The following USP22 variants were observed in gnomAD, a reference collection of about 807,000 sequenced individuals.
The protein encoded by USP22 is ubiquitin specific peptidase 22, also known as ubiquitin carboxyl-terminal hydrolase 22.
USP22 carries 22 observed loss-of-function variants against 68.1 expected under a neutral mutation model. The observed-to-expected ratio is 0.32, with a 90% confidence interval of 0.23 to 0.46. The LOEUF (loss-of-function observed/expected upper bound fraction) is 0.46, where lower values mean the gene tolerates loss of function less well. USP22 is among the 20% of genes least tolerant of loss of function. The probability of loss-of-function intolerance (pLI) is 1.00; values close to 1 mark genes in which losing one functional copy is unlikely to be tolerated. For synonymous variants in USP22, 279 were observed against 274.2 expected (o/e 1.02, Z -0.17); for missense variants, 433 against 695.8 (o/e 0.62, Z 4.25).
At chr17:21,025,725 G>A (rs907796450) in intron 2 of USP22, among the ~76,000 whole-genome samples, 15 of 152,130 alleles carry the variant, frequency 9.9e-5, no homozygotes, top group African/African-American at 3.1e-4. Flanking sequence ...GCATGCTTGC[G>A]GAAAGAAGCC....
intron 3 of USP22, among the ~76,000 whole-genome samples, chr17:21,020,673 A>G (rs745555242): frequency 8.5e-5 from 13 of 152,210 alleles, no homozygotes; most frequent in Non-Finnish European, 2.9e-5. Flanking sequence ...ATTACTGCAA[A>G]GAGATCGCTT....
At chr17:21,028,044 G>T (rs1299685062) in intron 2 of USP22, among the ~76,000 whole-genome samples, 1 of 152,166 alleles carries the variant, frequency 6.6e-6, no homozygotes, top group East Asian at 1.9e-4. Flanking sequence ...ATTTTGTAAG[G>T]CTGTGAAAGG....
intron 1 of USP22, chr17:21,042,374 A>C: frequency 2.3e-5 from 4 of 170,880 alleles, no homozygotes; most frequent in East Asian, 1.5e-4. Context: ...GGGAGGGGAC[A>C]GAGAGGAGGG....
At chr17:21,039,512 C>T (rs888026769) in intron 1 of USP22, among the ~76,000 whole-genome samples, 4 of 151,968 alleles carry the variant, frequency 2.6e-5, no homozygotes, top group Non-Finnish European at 5.9e-5. Flanking sequence ...TGTGGTGAGC[C>T]GAGATCACGC....
chr17:21,005,092 T>TG (rs1832321570), intron 10 of USP22, 102 bp from the exon 11 acceptor site: 9 of 1,330,868 alleles, frequency 6.8e-6, no homozygotes, highest in Non-Finnish European at 8.5e-6. Flanking sequence ...ACCATGCAGA[T>TG]GCTGCACCGA....
intron 2 of USP22, among the ~76,000 whole-genome samples, chr17:21,023,172 A>G (rs1267879621): frequency 6.6e-6 from 1 of 152,126 alleles, no homozygotes; most frequent in African/African-American, 2.4e-5. Flanking sequence ...ACTGCGGCCT[A>G]CTTGAGGGTG....
chr17:21,011,448 A>G, intron 7 of USP22, 139 bp from the exon 8 acceptor site: 2 of 1,129,842 alleles, frequency 1.8e-6, no homozygotes. Context: ...ATGGGGCAGG[A>G]GCAAGAGCAG....
At chr17:21,014,175 G>C (rs1284005748) in intron 6 of USP22, among the ~76,000 whole-genome samples, 2 of 152,258 alleles carry the variant, frequency 1.3e-5, no homozygotes, top group African/African-American at 4.8e-5. Flanking sequence ...CCACCTCGCT[G>C]AACAGCTCTG....
intron 1 of USP22, among the ~76,000 whole-genome samples, chr17:21,040,586 C>T (rs986123557): frequency 1.6e-4 from 25 of 151,758 alleles, no homozygotes; most frequent in African/African-American, 5.6e-4. Flanking sequence ...AAAGATTAAT[C>T]AGAGCCATAA....
intron 4 of USP22, 119 bp downstream of exon 4, chr17:21,018,965 G>T: frequency 9.7e-7 from 1 of 1,026,552 alleles, no homozygotes; most frequent in Non-Finnish European, 1.5e-6. Context: ...GCACATTGAT[G>T]AGTGACAGTT....
chr17:21,016,081 T>TC (rs1491286104), intron 5 of USP22, among the ~76,000 whole-genome samples, 182 bp from the exon 6 acceptor site: 1 of 151,474 alleles, frequency 6.6e-6, no homozygotes, highest in Non-Finnish European at 1.5e-5. Context: ...ACTGGACTTT[T>TC]CGAGTCCTCA....
At chr17:21,034,160 C>T (rs1972326731) in intron 1 of USP22, among the ~76,000 whole-genome samples, 1 of 152,148 alleles carries the variant, frequency 6.6e-6, no homozygotes, top group Admixed American at 6.5e-5. Flanking sequence ...AAAACCTCAG[C>T]TTCCAGACTC....
At chr17:21,012,308 G>A (rs767723801) in intron 7 of USP22, among the ~76,000 whole-genome samples, 2 of 152,068 alleles carry the variant, frequency 1.3e-5, no homozygotes, top group African/African-American at 2.4e-5. Context: ...ACTGAGGTTG[G>A]GTGAGAGGGT....
upstream of USP22, chr17:21,043,083 CGCGGGGCGGG>C (rs1372078871): frequency 6.3e-6 from 1 of 159,470 alleles, no homozygotes; most frequent in Non-Finnish European, 1.2e-5. Flanking sequence ...CGGAGGGTGT[CGCGGGGCGGG>C]GCGCCGCGGC....
intron 2 of USP22, among the ~76,000 whole-genome samples, chr17:21,024,177 C>G (rs79065143): frequency 0.011 from 1,698 of 152,242 alleles, 26 homozygotes; most frequent in South Asian, 0.064. Flanking sequence ...ATCAGCAGTA[C>G]AGCCCCAGCA....
At chr17:21,024,836 C>T (rs1388979053) in intron 2 of USP22, among the ~76,000 whole-genome samples, 8 of 152,042 alleles carry the variant, frequency 5.3e-5, no homozygotes, top group South Asian at 2.1e-4. Flanking sequence ...AGCGTGGTGG[C>T]GCGTACCTGT....
chr17:21,003,424 G>A (rs1344324389), intron 12 of USP22, among the ~76,000 whole-genome samples: 2 of 152,208 alleles, frequency 1.3e-5, no homozygotes, highest in African/African-American at 4.8e-5. Flanking sequence ...CCTGAAGGCT[G>A]TCCTTTATCC....
At chr17:21,004,525 AC>A (rs1310329622) in intron 11 of USP22, among the ~76,000 whole-genome samples, 174 bp from the exon 12 acceptor site, 5 of 151,414 alleles carry the variant, frequency 3.3e-5, no homozygotes, top group African/African-American at 9.7e-5. Context: ...GAGCCTGGTC[AC>A]CCCCCTTGGC....
At chr17:21,017,352 GCT>G (rs1212144749) in intron 5 of USP22, among the ~76,000 whole-genome samples, 1 of 152,234 alleles carries the variant, frequency 6.6e-6, no homozygotes, top group Non-Finnish European at 1.5e-5. Flanking sequence ...AGCTGCTTCA[GCT>G]CTGAGAAGCA....
Sources: gnomAD v4.1 joint callset for allele counts (sites outside exome capture counted in the v4.1 genomes callset) on GRCh38, gnomAD v4.1.1 for gene constraint, MANE v1.5 for transcripts, NCBI Gene and HGNC (gene_info 2026-07-23, HGNC 2026-07-21) for gene names.